The following RBFOX3 variants were observed in gnomAD, a reference collection of about 807,000 sequenced individuals.
RBFOX3 encodes the protein RNA binding protein fox-1 homolog 3.
In RBFOX3, 17 loss-of-function variants were observed where a neutral mutation model predicts 48.7. The ratio of observed to expected loss-of-function variants is 0.35; its 90% CI spans 0.24 to 0.52. The LOEUF (loss-of-function observed/expected upper bound fraction) is 0.52, where lower values mean the gene tolerates loss of function less well. Ranked by LOEUF, RBFOX3 falls within the 20% of genes least tolerant of loss-of-function variation. The probability of loss-of-function intolerance (pLI) is 0.94; values close to 1 mark genes in which losing one functional copy is unlikely to be tolerated. For synonymous variants in RBFOX3, 212 were observed against 209.5 expected (o/e 1.01, Z -0.10); for missense variants, 382 against 497.5 (o/e 0.77, Z 2.21).
intron 2 of RBFOX3, among the ~76,000 whole-genome samples, chr17:79,398,755 G>A (rs1380855348): frequency 2.0e-5 from 3 of 152,238 alleles, no homozygotes; most frequent in Non-Finnish European, 4.4e-5. Context: ...GGCCATCTAC[G>A]TGATGTTTAC....
chr17:79,329,146 C>G (rs2146273374), intron 2 of RBFOX3, among the ~76,000 whole-genome samples: 1 of 152,288 alleles, frequency 6.6e-6, no homozygotes, highest in Non-Finnish European at 1.5e-5. Flanking sequence ...CTCCAGGGAA[C>G]CATTCACATC....
At chr17:79,439,940 G>A (rs956607564) in intron 2 of RBFOX3, among the ~76,000 whole-genome samples, 7 of 152,228 alleles carry the variant, frequency 4.6e-5, no homozygotes, top group Admixed American at 1.3e-4. Flanking sequence ...ATGTGCAGAC[G>A]GGAAAATAGG....
intron 2 of RBFOX3, among the ~76,000 whole-genome samples, chr17:79,448,387 T>C (rs1413354067): frequency 6.6e-6 from 1 of 152,218 alleles, no homozygotes; most frequent in African/African-American, 2.4e-5. Context: ...GGTAAGGATC[T>C]CAAGATGAAA....
At chr17:79,493,282 C>T (rs1471838434) in intron 1 of RBFOX3, among the ~76,000 whole-genome samples, 2 of 152,156 alleles carry the variant, frequency 1.3e-5, no homozygotes, top group African/African-American at 4.8e-5. Flanking sequence ...CCCCCATGAT[C>T]CAATCACCTC....
intron 4 of RBFOX3, among the ~76,000 whole-genome samples, chr17:79,227,451 G>C (rs1171731047): frequency 6.6e-6 from 1 of 152,176 alleles, no homozygotes; most frequent in Non-Finnish European, 1.5e-5. Context: ...CCAGGGCAGG[G>C]GCTTTGTTTG....
intron 1 of RBFOX3, chr17:79,599,356 G>A (rs1892965481): frequency 6.6e-6 from 1 of 152,408 alleles, no homozygotes; most frequent in Non-Finnish European, 1.5e-5. Context: ...GGGAGCCGCT[G>A]TCCTGGGGTC....
rs181261296 is a variant in RBFOX3 at position 79,280,983 on chromosome 17, A to T, written c.-74+26741T>A. The stretch of plus-strand genomic sequence containing the variant: ...AGGCAGTGAAGCGAGCACGTGGGTG[A>T]GGACAGGGGATACTGAAAGATGATC... On this transcript the variant is annotated intron_variant, in intron 3 of 14. Transcript: ENST00000693108. Among the ~76,000 whole-genome samples, 4 of 152,296 alleles carry T rather than the reference A, an allele frequency of 2.6e-5. No homozygotes were observed. The East Asian group carries it at 7.7e-4, about 29-fold the overall frequency.
the RBFOX3 span, among the ~76,000 whole-genome samples, chr17:79,619,759 G>T: frequency 3.3e-5 from 5 of 152,036 alleles, 1 homozygote; most frequent in Admixed American, 2.0e-4. Context: ...CGGACAGGGT[G>T]TCACCCAGGA....
intron 4 of RBFOX3, among the ~76,000 whole-genome samples, chr17:79,139,029 C>G (rs374656012): frequency 8.5e-4 from 128 of 150,358 alleles, no homozygotes; most frequent in African/African-American, 2.9e-3. Flanking sequence ...TGCCCTCACC[C>G]ACACACGCAC....
intron 14 of RBFOX3, chr17:79,092,301 C>T (rs921954547): frequency 5.1e-6 from 5 of 985,494 alleles, no homozygotes; most frequent in African/African-American, 3.5e-5. Context: ...GTGTGCACAC[C>T]GTACCTGCAA....
At chr17:79,514,335 C>T (rs1489882142) in intron 1 of RBFOX3, among the ~76,000 whole-genome samples, 2 of 152,220 alleles carry the variant, frequency 1.3e-5, no homozygotes, top group South Asian at 2.1e-4. Context: ...ACACACTCGG[C>T]GGTCACGCAG....
chr17:79,358,439 A>G (rs1294346991), intron 2 of RBFOX3, among the ~76,000 whole-genome samples: 2 of 151,600 alleles, frequency 1.3e-5, no homozygotes, highest in East Asian at 3.9e-4. Flanking sequence ...TCAAGTCTAC[A>G]CTTCCTCTCA....
At chr17:79,112,545 G>A (rs1173072496) in intron 5 of RBFOX3, among the ~76,000 whole-genome samples, 1 of 152,142 alleles carries the variant, frequency 6.6e-6, no homozygotes, top group Non-Finnish European at 1.5e-5. Context: ...CTGAGGCATG[G>A]GGATGGGCTG....
intron 2 of RBFOX3, among the ~76,000 whole-genome samples, chr17:79,382,985 G>T: frequency 6.6e-6 from 1 of 151,336 alleles, no homozygotes; most frequent in African/African-American, 2.4e-5. Flanking sequence ...CACATTTTCT[G>T]GGGCTGTGTG....
chr17:79,662,040 C>T, the RBFOX3 span, among the ~76,000 whole-genome samples: 13 of 150,334 alleles, frequency 8.6e-5, no homozygotes, highest in Non-Finnish European at 1.6e-4. Flanking sequence ...TTCTTTGAAT[C>T]ATGAAGATAT....
Position 79,323,857 on chromosome 17 carries a change from A to G in RBFOX3, c.-174-16033T>C, listed in dbSNP as rs115198514. ...GATCCAAGTTGGCGAATGGAGACCA[A>G]TTGTTTGGGCAGATTGCTTACTGTC... On this transcript the variant is annotated intron_variant, in intron 2 of 14. Transcript: ENST00000693108. Among the ~76,000 whole-genome samples, 815 of 152,334 alleles carry G rather than the reference A, an allele frequency of 5.4e-3. 8 individuals are homozygous for G. Among genetic ancestry groups the G allele is most frequent in the African/African-American group, 0.019 (779 of 41,578 alleles).
intron 2 of RBFOX3, among the ~76,000 whole-genome samples, chr17:79,388,495 C>T (rs2060889192): frequency 6.6e-6 from 1 of 152,184 alleles, no homozygotes; most frequent in Admixed American, 6.5e-5. Context: ...CCTGCATGCG[C>T]CTTACTTAGT....
intron 3 of RBFOX3, among the ~76,000 whole-genome samples, chr17:79,264,516 C>T (rs929401529): frequency 3.3e-5 from 5 of 152,116 alleles, no homozygotes; most frequent in African/African-American, 1.2e-4. Context: ...CTGCTGACAT[C>T]TTGATTTTAG....
chr17:79,326,655 G>A (rs562464718), intron 2 of RBFOX3, among the ~76,000 whole-genome samples: 5 of 152,294 alleles, frequency 3.3e-5, no homozygotes, highest in African/African-American at 9.6e-5. Flanking sequence ...GGCACTCCCT[G>A]CCAGAGGTGG....
Sources: gnomAD v4.1 joint callset for allele counts (sites outside exome capture counted in the v4.1 genomes callset) on GRCh38, gnomAD v4.1.1 for gene constraint, MANE v1.5 for transcripts, NCBI Gene and HGNC (gene_info 2026-07-23, HGNC 2026-07-21) for gene names.